The following LMO1 variants were observed in gnomAD, a reference collection of about 807,000 sequenced individuals.
LMO1 encodes LIM domain only 1, also known as rhombotin-1.
Under a neutral mutation model 18.0 loss-of-function variants are expected in LMO1, and 10 were observed. The ratio of observed to expected loss-of-function variants is 0.55; its 90% CI spans 0.34 to 0.94. The LOEUF (loss-of-function observed/expected upper bound fraction) is 0.94. Ranked by LOEUF, LMO1 falls within the 40% of genes least tolerant of loss-of-function variation. LMO1 has a pLI of 0.02. For missense variants in LMO1, 183 were observed against 205.7 expected, an observed-to-expected ratio of 0.89 and a Z score of 0.68; for synonymous variants, 77 against 77.9, an observed-to-expected ratio of 0.99 and a Z score of 0.06.
At chr11:8,229,227 C>T (rs1446146537) in intron 2 of LMO1, among the ~76,000 whole-genome samples, 1 of 152,182 alleles carries the variant, frequency 6.6e-6, no homozygotes, top group Non-Finnish European at 1.5e-5. Context: ...GTCTCAGCCT[C>T]TCCCCTCCAG....
intron 1 of LMO1, among the ~76,000 whole-genome samples, chr11:8,248,651 G>A (rs893181141): frequency 7.9e-5 from 12 of 152,240 alleles, no homozygotes; most frequent in South Asian, 4.1e-4. Context: ...TAGGGAGACC[G>A]TGAGCCACGC....
intron 1 of LMO1, among the ~76,000 whole-genome samples, chr11:8,232,023 C>A (rs555500386): frequency 1.3e-3 from 199 of 152,242 alleles, no homozygotes; most frequent in African/African-American, 4.7e-3. Context: ...TTGAGTCAGC[C>A]ACCGTCAAGC....
At chr11:8,245,665 C>T (rs192101622) in intron 1 of LMO1, among the ~76,000 whole-genome samples, 68 of 152,310 alleles carry the variant, frequency 4.5e-4, no homozygotes, top group African/African-American at 1.5e-3. Context: ...GAAGTTCGGA[C>T]AACCAAGGAT....
chr11:8,267,070 G>A (rs759307592), upstream of LMO1, among the ~76,000 whole-genome samples: 12 of 152,218 alleles, frequency 7.9e-5, no homozygotes, highest in African/African-American at 1.4e-4. Context: ...GTGCACAGTC[G>A]GCAAACTTTT....
intron 1 of LMO1, among the ~76,000 whole-genome samples, chr11:8,260,366 C>T (rs941943788): frequency 6.6e-6 from 1 of 152,220 alleles, no homozygotes; most frequent in Non-Finnish European, 1.5e-5. Flanking sequence ...ATTTCGCTGA[C>T]AGGCAGACCC....
At chr11:8,255,322 C>T (rs148509735) in intron 1 of LMO1, among the ~76,000 whole-genome samples, 72 of 152,218 alleles carry the variant, frequency 4.7e-4, no homozygotes, top group Admixed American at 8.5e-4. Context: ...GTCTGGGCAA[C>T]GTAATGAAAT....
chr11:8,242,087 G>T (rs1050156294), intron 1 of LMO1, among the ~76,000 whole-genome samples: 6 of 152,246 alleles, frequency 3.9e-5, no homozygotes, highest in African/African-American at 1.4e-4. Context: ...CACCCCCTAG[G>T]TACCTGTAGC....
At chr11:8,226,806 C>T in intron 3 of LMO1, 169 bp downstream of exon 3, 9 of 1,297,224 alleles carry the variant, frequency 6.9e-6, no homozygotes, top group Non-Finnish European at 8.1e-6. Flanking sequence ...CGAGCTTACA[C>T]ACACATAAAA....
intron 1 of LMO1, among the ~76,000 whole-genome samples, chr11:8,253,225 A>G (rs1045298673): frequency 3.9e-5 from 6 of 152,154 alleles, no homozygotes; most frequent in African/African-American, 1.4e-4. Flanking sequence ...CTTTCCAAAG[A>G]GCAATCCTCC....
At chr11:8,263,262 C>T in intron 1 of LMO1, 76 bp downstream of exon 1, 2 of 1,487,742 alleles carry the variant, frequency 1.3e-6, no homozygotes, top group African/African-American at 1.4e-5. Flanking sequence ...CGCCCGTGTC[C>T]CCGCGTGTGT....
At chr11:8,244,272 G>C (rs1266214500) in intron 1 of LMO1, among the ~76,000 whole-genome samples, 4 of 152,188 alleles carry the variant, frequency 2.6e-5, no homozygotes, top group Non-Finnish European at 5.9e-5. Flanking sequence ...GGCTTTGCAA[G>C]GAAATTACAA....
In LMO1 at chr11:8,230,490, A is replaced by T; in HGVS notation, c.40T>A (p.Ser14Thr). ...TTCTGCTTCCCTTTGGGCTGGACGGAGAGCATCGGCACGCCTGCAGACGGA... is the reference window on the plus strand; with the variant it reads ...TTCTGCTTCCCTTTGGGCTGGACGGTGAGCATCGGCACGCCTGCAGACGGA... ...LDKEDGVPML[S>T]VQPKGKQKGC... is the part of the protein sequence containing the mutation. Residue 14 changes from serine to threonine, a missense_variant, in exon 2 of 4, where the codon TCC becomes ACC. Coordinates refer to ENST00000335790, the MANE Select transcript of LMO1 (RefSeq NM_002315.3). The T allele has an allele frequency of 6.2e-7, 1 of 1,612,604 alleles. No individual in the cohort carries two copies. The highest frequency in any genetic ancestry group is 8.5e-7 in the Non-Finnish European group (1 of 1,179,860).
intron 1 of LMO1, 116 bp downstream of exon 1, chr11:8,263,222 C>A: frequency 1.0e-6 from 1 of 978,296 alleles, no homozygotes; most frequent in Non-Finnish European, 1.4e-6. Context: ...GCCGCCCGCC[C>A]CGCAATCCCC....
chr11:8,250,258 T>C (rs1846966921), intron 1 of LMO1, among the ~76,000 whole-genome samples: 1 of 152,214 alleles, frequency 6.6e-6, no homozygotes. Context: ...TCAGGAAGAT[T>C]TGATTCTTCT....
chr11:8,235,454 A>AG (rs1952746152), intron 1 of LMO1, among the ~76,000 whole-genome samples: 2 of 152,252 alleles, frequency 1.3e-5, no homozygotes, highest in Non-Finnish European at 2.9e-5. Context: ...ACATTCTCTT[A>AG]CATAACCACA....
intron 1 of LMO1, among the ~76,000 whole-genome samples, chr11:8,242,821 G>C (rs1201772571): frequency 6.6e-6 from 1 of 152,242 alleles, no homozygotes; most frequent in Non-Finnish European, 1.5e-5. Context: ...GTGAGCACCA[G>C]CGCGCTGAAC....
chr11:8,260,838 C>G (rs1847173979), intron 1 of LMO1, among the ~76,000 whole-genome samples: 1 of 152,024 alleles, frequency 6.6e-6, no homozygotes, highest in Non-Finnish European at 1.5e-5. Flanking sequence ...CCTGCTGCAG[C>G]CAGACAAAAG....
intron 3 of LMO1, chr11:8,226,712 C>G: frequency 2.0e-6 from 1 of 495,556 alleles, no homozygotes; most frequent in Non-Finnish European, 3.4e-6. Flanking sequence ...ACACAGTAAA[C>G]TCATGCACGC....
chr11:8,231,747 C>G (rs888037067), intron 1 of LMO1, among the ~76,000 whole-genome samples: 4 of 152,156 alleles, frequency 2.6e-5, no homozygotes, highest in African/African-American at 9.7e-5. Context: ...GACCCCTGCT[C>G]TCTCCAGGGC....
Sources: allele counts gnomAD v4.1 joint callset (sites outside exome capture counted in the v4.1 genomes callset), GRCh38; gene constraint gnomAD v4.1.1; transcripts MANE v1.5; gene names NCBI Gene and HGNC (gene_info 2026-07-23, HGNC 2026-07-21).